The following CREB3L3 variants were observed in gnomAD, a reference collection of about 807,000 sequenced individuals.
CREB3L3 encodes the protein cyclic AMP-responsive element-binding protein 3-like protein 3.
CREB3L3 carries 40 observed loss-of-function variants against 44.6 expected under a neutral mutation model. That is an observed-to-expected ratio of 0.90 (90% CI 0.70 to 1.17). The LOEUF is 1.17. Among genes scored for constraint, CREB3L3 ranks in the 50% most tolerant of loss-of-function variants. The pLI is 0.00. For missense variants in CREB3L3, 578 were observed against 595.8 expected (o/e 0.97, Z 0.31); for synonymous variants, 273 against 256.3 (o/e 1.06, Z -0.62).
chr19:4,169,209 C>T (rs370169208), intron 6 of CREB3L3, among the ~76,000 whole-genome samples: 6 of 151,676 alleles, frequency 4.0e-5, no homozygotes, highest in Non-Finnish European at 7.4e-5. Flanking sequence ...ACTTGAATCT[C>T]GGCCGGGCGC....
chr19:4,158,102 C>A (rs186349957), intron 3 of CREB3L3, among the ~76,000 whole-genome samples: 4 of 152,068 alleles, frequency 2.6e-5, no homozygotes, highest in Admixed American at 2.0e-4. Flanking sequence ...GCATTCCCGG[C>A]GGGCCAGGCA....
At chr19:4,162,844 G>A (rs557660410) in intron 4 of CREB3L3, among the ~76,000 whole-genome samples, 35 of 152,232 alleles carry the variant, frequency 2.3e-4, no homozygotes, top group Admixed American at 1.8e-3. Flanking sequence ...CAAGCATGGC[G>A]GTACGCTCTG....
Position 4,172,090 on chromosome 19 carries a change from T to C in CREB3L3, c.*121T>C. On this transcript the variant is annotated 3_prime_UTR_variant, in exon 10 of 10. Transcript: ENST00000078445. ...CAAGACCCCAGCAGAGATGCCAGAA[T>C]GGGGGAGGCACAGCTCATAGCCACA... 9.4e-7 allele frequency: 1 copy of C among 1,065,732 alleles called. No individual in the cohort carries two copies. The highest frequency in any genetic ancestry group is 1.3e-6 in the Non-Finnish European group (1 of 758,698). The allele number at this position is 1,065,732 out of a possible 1,614,324, so 66.0% of individuals were successfully genotyped here.
At chr19:4,165,698 T>C (rs2145134282) in intron 5 of CREB3L3, among the ~76,000 whole-genome samples, 1 of 151,956 alleles carries the variant, frequency 6.6e-6, no homozygotes, top group East Asian at 1.9e-4. Flanking sequence ...CCGTCTCTAC[T>C]AAAATTACAA....
chr19:4,171,209 C>A lies in CREB3L3; in HGVS notation c.975+34C>A. On this transcript the variant is annotated intron_variant, in intron 8 of 9. Coordinates refer to ENST00000078445, the MANE Select transcript of CREB3L3 (RefSeq NM_032607.3). This position sits in a 1 kb window ranked among gnomAD's most constrained non-coding sequence, Gnocchi z 4.9. ...TGGTGCCCCCAGGCAAGCCGGGGAC[C>A]TAGGCTTCTGTAGAGGGGCCCATAG... 1 of 1,592,034 alleles carries A rather than the reference C, an allele frequency of 6.3e-7. No homozygotes were observed. Among genetic ancestry groups the A allele is most frequent in the Non-Finnish European group, 8.6e-7 (1 of 1,159,986 alleles).
chr19:4,171,874 G>T lies in CREB3L3; in HGVS notation c.1291G>T (p.Gly431Trp), dbSNP rs967460710. ...CCTGGTCCTGAGGAATGCAACAGAGGGGCTGGGCCAGGTCGCCCTGCTGGA... is the reference window on the plus strand; with the variant it reads ...CCTGGTCCTGAGGAATGCAACAGAGTGGCTGGGCCAGGTCGCCCTGCTGGA... ...ATLVLRNATEGLGQVALLDWV... is the reference protein window; with the variant it reads ...ATLVLRNATEWLGQVALLDWV... Residue 431 changes from glycine (G) to tryptophan (W), a missense_variant, in exon 10 of 10, where the codon GGG becomes TGG. By Grantham distance (184) the Gly-to-Trp change is radical. Coordinates refer to ENST00000078445, the MANE Select transcript of CREB3L3 (RefSeq NM_032607.3). The surrounding 1 kb of genome is among the most constrained non-coding windows in gnomAD (Gnocchi z 4.9). The T allele has an allele frequency of 1.2e-6, 2 of 1,613,358 alleles. No individual in the cohort carries two copies. The highest frequency in any genetic ancestry group is 3.3e-5 in the Admixed American group (2 of 60,018).
chr19:4,166,324 G>A (rs971644373), intron 5 of CREB3L3, among the ~76,000 whole-genome samples: 1 of 149,886 alleles, frequency 6.7e-6, no homozygotes, highest in Admixed American at 6.7e-5. Context: ...GCGCGATCTC[G>A]GCTCACTGCA....
intron 4 of CREB3L3, among the ~76,000 whole-genome samples, chr19:4,160,489 A>G (rs939870668): frequency 3.3e-5 from 5 of 151,364 alleles, no homozygotes; most frequent in Non-Finnish European, 7.4e-5. Flanking sequence ...CTCCTGCCTC[A>G]GACTCCCAAG....
In CREB3L3 at chr19:4,171,327, G is replaced by A; in HGVS notation, c.976-56G>A. On this transcript the variant is annotated intron_variant, in intron 8 of 9. Coordinates refer to ENST00000078445, the MANE Select transcript of CREB3L3 (RefSeq NM_032607.3). This position sits in a 1 kb window ranked among gnomAD's most constrained non-coding sequence, Gnocchi z 4.9. ...GCCTCAGTTTCCCTGCCTGTGGGAT[G>A]GAGATGCTTGCAGGGGAGGGGAGGG... 6.5e-7 allele frequency: 1 copy of A among 1,536,946 alleles called. No homozygotes were observed. Among genetic ancestry groups the A allele is most frequent in the Non-Finnish European group, 9.0e-7 (1 of 1,111,716 alleles).
intron 5 of CREB3L3, among the ~76,000 whole-genome samples, chr19:4,165,174 C>CTTT (rs377031237): frequency 8.1e-4 from 117 of 143,778 alleles, no homozygotes; most frequent in Middle Eastern, 3.5e-3. Flanking sequence ...GTGCAGCAAA[C>CTTT]TTTTTTTTTT....
Position 4,172,910 on chromosome 19 carries a change from G to C in CREB3L3, c.*941G>C, listed in dbSNP as rs1401695704. ...CCAGGGACCCCTCCCGGCCTCCCTC[G>C]CACACTGGGAGGAGGAAGCCGCCGA... On this transcript the variant is annotated 3_prime_UTR_variant, in exon 10 of 10. Coordinates refer to ENST00000078445, the MANE Select transcript of CREB3L3 (RefSeq NM_032607.3). The C allele has an allele frequency of 6.5e-6, 1 of 153,630 alleles. No homozygotes were observed. Among genetic ancestry groups the C allele is most frequent in the African/African-American group, 2.4e-5 (1 of 41,466 alleles). The allele number at this position is 153,630 out of a possible 1,614,324, so 9.5% of individuals were successfully genotyped here.
At chr19:4,163,833 C>G (rs1425451284) in intron 4 of CREB3L3, among the ~76,000 whole-genome samples, 1 of 141,048 alleles carries the variant, frequency 7.1e-6, no homozygotes, top group African/African-American at 2.7e-5. Flanking sequence ...GAGACAGAGT[C>G]TTACTCTGTC....
At chr19:4,167,929 G>T (rs566109143) in intron 5 of CREB3L3, among the ~76,000 whole-genome samples, 8 of 151,824 alleles carry the variant, frequency 5.3e-5, no homozygotes, top group African/African-American at 1.9e-4. Flanking sequence ...GGGGACTGTC[G>T]CACCATCCCC....
chr19:4,159,434 A>AAG (rs375731241), intron 3 of CREB3L3, among the ~76,000 whole-genome samples: 2 of 152,184 alleles, frequency 1.3e-5, no homozygotes, highest in African/African-American at 4.8e-5. Context: ...TACAGGCGTG[A>AAG]GCCACCATGA....
At chr19:4,159,816 G>A (rs962759698) in intron 4 of CREB3L3, 34 bp downstream of exon 4, 5 of 936,892 alleles carry the variant, frequency 5.3e-6, no homozygotes, top group Admixed American at 1.7e-5. Flanking sequence ...TGGGGCGTTG[G>A]AGCTGGGAGG....
At chr19:4,169,729 A>G (rs1967001715) in intron 6 of CREB3L3, among the ~76,000 whole-genome samples, 1 of 151,236 alleles carries the variant, frequency 6.6e-6, no homozygotes, top group Non-Finnish European at 1.5e-5. Context: ...GTTCCCAAGT[A>G]GCTGGAATTA....
At chr19:4,155,734 CCT>C (rs890093518) in intron 2 of CREB3L3, among the ~76,000 whole-genome samples, 8 of 142,640 alleles carry the variant, frequency 5.6e-5, no homozygotes, top group Middle Eastern at 3.7e-3. Flanking sequence ...TTCCTTTCTC[CCT>C]CTTTCTTTTA....
At chr19:4,168,517 G>T in intron 6 of CREB3L3, 60 bp downstream of exon 6, 1 of 1,356,826 alleles carries the variant, frequency 7.4e-7, no homozygotes, top group East Asian at 2.5e-5. Flanking sequence ...CAGAGAGAAG[G>T]AGATGTGGCT....
Position 4,164,525 on chromosome 19 carries a change from C to A in CREB3L3, c.599C>A (p.Ser200Tyr), listed in dbSNP as rs2041701275. The A allele has an allele frequency of 6.2e-7, 1 of 1,614,096 alleles. No homozygotes were observed. The highest frequency in any genetic ancestry group is 8.5e-7 in the Non-Finnish European group (1 of 1,180,028). Residue 200 changes from serine to tyrosine, a missense_variant, in exon 5 of 10, where the codon TCC (serine) becomes TAC (tyrosine). Transcript: ENST00000078445. ...TAGCAACAGCATCACCTGGGGGCCTCCTACCTCCTGCGACCTGGGGCTGGG... is the reference window on the plus strand; with the variant it reads ...TAGCAACAGCATCACCTGGGGGCCTACTACCTCCTGCGACCTGGGGCTGGG... ...GDLQQHHLGA[S>Y]YLLRPGAGHC... is the part of the protein sequence containing the mutation.
Sources: gnomAD v4.1 joint callset for allele counts (sites outside exome capture counted in the v4.1 genomes callset) on GRCh38, gnomAD v4.1.1 for gene constraint, Gnocchi (gnomAD v3.1) non-coding constraint, MANE v1.5 for transcripts, NCBI Gene and HGNC (gene_info 2026-07-23, HGNC 2026-07-21) for gene names.